The following PRR12 variants were observed in gnomAD, a reference collection of about 807,000 sequenced individuals.
PRR12 encodes proline-rich protein 12.
A neutral mutation model predicts 138.0 loss-of-function variants in PRR12; 12 were observed. The observed-to-expected ratio is 0.09, with a 90% CI of 0.06 to 0.14. The LOEUF is 0.14. Ranked by LOEUF, PRR12 falls within the 10% of genes least tolerant of loss-of-function variation. The probability of loss-of-function intolerance (pLI) is 1.00; values close to 1 mark genes in which losing one functional copy is unlikely to be tolerated. For missense variants in PRR12, 2,692 were observed against 2,861.3 expected (o/e 0.94, Z 1.35); for synonymous variants, 1,567 against 1,291.7 (o/e 1.21, Z -4.57).
chr19:49,594,306 G>A lies in PRR12; in HGVS notation c.200-148G>A. ...CCCTCATTCATGTCTCATTAGCTTG[G>A]TTCTATCCATCTTGTTTTTGAATTT... On this transcript the variant is annotated intron_variant, in intron 2 of 13. Transcript: ENST00000418929. The surrounding 1 kb of genome is among the most constrained non-coding windows in gnomAD (Gnocchi z 5.6). 1.5e-6 allele frequency: 1 copy of A among 665,758 alleles called. No individual in the cohort carries two copies. Among genetic ancestry groups the A allele is most frequent in the Non-Finnish European group, 2.5e-6 (1 of 406,212 alleles). The allele number at this position is 665,758 out of a possible 1,614,324, so 41.2% of individuals were successfully genotyped here. A position where few individuals can be genotyped will look rare whatever the true frequency, so the allele number is the denominator to read the frequency against.
rs1172629482 is a variant in PRR12 at position 49,614,500 on chromosome 19, C to T, written c.4774-33C>T. ...CAGTAGGTCTAGGAATGAGGGCTGA[C>T]CCTGCTGGCCTCACCACACCCCTCC... On this transcript the variant is annotated intron_variant, in intron 6 of 13. Coordinates refer to ENST00000418929, the MANE Select transcript of PRR12 (RefSeq NM_020719.3). This position sits in a 1 kb window ranked among gnomAD's most constrained non-coding sequence, Gnocchi z 5.0. 4.1e-6 allele frequency: 6 copies of T among 1,468,778 alleles called. No individual in the cohort carries two copies. The highest frequency in any genetic ancestry group is 3.7e-6 in the Non-Finnish European group (4 of 1,094,042). 91.0% of individuals were successfully genotyped at this position (1,468,778 alleles called of 1,614,324 possible).
Position 49,594,593 on chromosome 19 carries a change from C to G in PRR12, c.339C>G (p.Phe113Leu), listed in dbSNP as rs2080751605. The G allele has an allele frequency of 6.2e-7, 1 of 1,612,606 alleles. No homozygotes were observed. Among genetic ancestry groups the G allele is most frequent in the African/African-American group, 1.3e-5 (1 of 74,914 alleles). The change falls in exon 3 of 14, where the codon TTC becomes TTG. Residue 113 changes from phenylalanine to leucine, a missense_variant. Around this residue, in one of 11 missense-constraint regions of PRR12, gnomAD observed 211 missense variants for 266.3 expected, o/e 0.79. Transcript: ENST00000418929. This position sits in a 1 kb window ranked among gnomAD's most constrained non-coding sequence, Gnocchi z 5.6. ...CCGCCTCCTCTCTCCTCTCCCAGTT[C>G]CGCAGTCCTTCCTGGCAAACAGGTA... is the stretch of plus-strand genomic sequence containing the variant. ...GPSASSLLSQ[F>L]RSPSWQTAMH...
At chr19:49,617,391 G>A (rs1373886162) in intron 9 of PRR12, among the ~76,000 whole-genome samples, 1 of 152,176 alleles carries the variant, frequency 6.6e-6, no homozygotes, top group Admixed American at 6.6e-5. Flanking sequence ...ACTTTGGGAG[G>A]CTGAGGTGGT....
Position 49,596,151 on chromosome 19 carries a change from G to A in PRR12, c.1816G>A (p.Gly606Ser). ...GCCTTTCCTGGCACCTCCGGGAGCT[G>A]GCAGCTATGCAGCCGGAGCAGGTGG... ...SAPFLAPPGAGSYAAGAGGYK... is the reference protein window; with the variant it reads ...SAPFLAPPGASSYAAGAGGYK... The change falls in exon 4 of 14, where the codon GGC becomes AGC. Residue 606 changes from glycine to serine, a missense_variant. This residue lies in a region of PRR12 where 66 missense variants were observed against 102.4 expected (regional missense o/e 0.64). Transcript: ENST00000418929. The surrounding 1 kb of genome is among the most constrained non-coding windows in gnomAD (Gnocchi z 5.6). The A allele has an allele frequency of 1.2e-6, 2 of 1,607,444 alleles. No individual in the cohort carries two copies. The highest frequency in any genetic ancestry group is 1.7e-6 in the Non-Finnish European group (2 of 1,179,794).
chr19:49,602,164 T>C (rs182056884), intron 6 of PRR12, among the ~76,000 whole-genome samples: 1 of 152,248 alleles, frequency 6.6e-6, no homozygotes, highest in East Asian at 1.9e-4. Flanking sequence ...AACGCGTATG[T>C]GTCTATATGT....
rs1229722572 is a variant in PRR12, at chr19:49,601,934, C to T, written c.4773+16C>T. On this transcript the variant is annotated intron_variant, in intron 6 of 13. Coordinates refer to ENST00000418929, the MANE Select transcript of PRR12 (RefSeq NM_020719.3). The stretch of plus-strand genomic sequence containing the variant: ...TTCCCTCAAGGTGAGTCCCAGCCTT[C>T]TCCAGAAACTGGGCCTGATGGGTTT... The T allele has an allele frequency of 5.6e-6, 9 of 1,606,868 alleles. No homozygotes were observed. Among genetic ancestry groups the T allele is most frequent in the Non-Finnish European group, 7.6e-6 (9 of 1,177,972 alleles).
At chr19:49,598,701 A>G (rs1428557894) in intron 4 of PRR12, among the ~76,000 whole-genome samples, 1 of 152,172 alleles carries the variant, frequency 6.6e-6, no homozygotes, top group Non-Finnish European at 1.5e-5. Flanking sequence ...GTGTACCTAC[A>G]GTCCCAGCTA....
rs1336677857 is a variant in PRR12, at chr19:49,614,232, C to T, written c.4774-301C>T. 6.6e-6 allele frequency among the ~76,000 whole-genome samples: 1 copy of T among 152,192 alleles called. No homozygotes were observed. Among genetic ancestry groups the T allele is most frequent in the Non-Finnish European group, 1.5e-5 (1 of 68,042 alleles). ...ATAGCAGGCGGTGTTCAAAGATTGT[C>T]ATTACTCTGAGTCACACAGGAAGTT... On this transcript the variant is annotated intron_variant, in intron 6 of 13. Coordinates refer to ENST00000418929, the MANE Select transcript of PRR12 (RefSeq NM_020719.3). This position sits in a 1 kb window ranked among gnomAD's most constrained non-coding sequence, Gnocchi z 5.0.
chr19:49,598,327 G>C (rs930673189), intron 4 of PRR12, among the ~76,000 whole-genome samples: 9 of 152,084 alleles, frequency 5.9e-5, no homozygotes, highest in Non-Finnish European at 8.8e-5. Context: ...ACCCGCCTCG[G>C]CCTCCCAAAG....
At chr19:49,620,584 C>G (rs2080916985) in intron 10 of PRR12, 107 bp downstream of exon 10, 1 of 1,464,770 alleles carries the variant, frequency 6.8e-7, no homozygotes, top group Non-Finnish European at 9.2e-7. Context: ...GGTCGGGACT[C>G]CTGAGTCTGA....
Position 49,600,795 on chromosome 19 carries a change from G to A in PRR12, c.4346-696G>A, listed in dbSNP as rs535850559. Among the ~76,000 whole-genome samples, 120 of 151,762 alleles carry A rather than the reference G, an allele frequency of 7.9e-4. 1 individual carries two copies. Among genetic ancestry groups the A allele is most frequent in the African/African-American group, 2.3e-3 (97 of 41,364 alleles). ...TGGCTCACTGCAACCTCTGCCTTCC[G>A]CTCACCGCAACCTCTGCCTTCCAGG... On this transcript the variant is annotated intron_variant, in intron 5 of 13. Coordinates refer to ENST00000418929, the MANE Select transcript of PRR12 (RefSeq NM_020719.3).
Position 49,597,556 on chromosome 19 carries a change from A to G in PRR12, c.3221A>G (p.Lys1074Arg). The G allele has an allele frequency of 6.3e-7, 1 of 1,591,264 alleles. No individual in the cohort carries two copies. The highest frequency in any genetic ancestry group is 8.5e-7 in the Non-Finnish European group (1 of 1,170,868). ...FCSTKPKKLL[K>R]TSSFHLLRRR... ...TCTACCAAGCCAAAGAAGCTGCTCA[A>G]GACATCCTCCTTCCACCTGCTGCGG... Residue 1074 changes from lysine to arginine, a missense_variant, in exon 4 of 14, where the codon AAG (lysine) becomes AGG (arginine). Physicochemically the swap from Lys to Arg is conservative, Grantham distance 26. Around this residue, in one of 11 missense-constraint regions of PRR12, gnomAD observed 840 missense variants for 689.8 expected, o/e 1.22. Coordinates refer to ENST00000418929, the MANE Select transcript of PRR12 (RefSeq NM_020719.3). The surrounding 1 kb of genome is among the most constrained non-coding windows in gnomAD (Gnocchi z 6.3).
chr19:49,620,331 T>C, intron 9 of PRR12, 21 bp from the exon 10 acceptor site: 1 of 1,612,536 alleles, frequency 6.2e-7, no homozygotes. Context: ...ATAACGAGCC[T>C]GCGTCCTGTC....
chr19:49,625,551 T>C lies in PRR12; in HGVS notation c.6055T>C (p.Phe2019Leu). 6.2e-7 allele frequency: 1 copy of C among 1,612,582 alleles called. No homozygotes were observed. Among genetic ancestry groups the C allele is most frequent in the East Asian group, 2.2e-5 (1 of 44,878 alleles). The change falls in exon 14 of 14, where the codon TTT becomes CTT. Residue 2019 changes from phenylalanine (F) to leucine (L), a missense_variant. Around this residue, in one of 11 missense-constraint regions of PRR12, gnomAD observed 116 missense variants for 243.4 expected, o/e 0.48. Transcript: ENST00000418929. This position sits in a 1 kb window ranked among gnomAD's most constrained non-coding sequence, Gnocchi z 5.5. Reference sequence around the variant, plus strand: ...GAACCAGCCGTGGCTGGAACAGCTCTTTGACTCCTTCAGTGACCTGCTGGC... The same window carrying C: ...GAACCAGCCGTGGCTGGAACAGCTCCTTGACTCCTTCAGTGACCTGCTGGC... ...MRNQPWLEQLFDSFSDLLAQA... is the reference protein window; with the variant it reads ...MRNQPWLEQLLDSFSDLLAQA...
chr19:49,599,454 C>T lies in PRR12; in HGVS notation c.3861C>T (p.Asp1287=), dbSNP rs2080796860. The T allele has an allele frequency of 1.2e-6, 2 of 1,604,854 alleles. No homozygotes were observed. Among genetic ancestry groups the T allele is most frequent in the East Asian group, 2.3e-5 (1 of 44,438 alleles). ...MKSGFMASFL[D]FLKSGKRHPP... is the part of the protein sequence containing the mutation. The stretch of plus-strand genomic sequence containing the variant: ...CGGGTTTCATGGCCTCCTTCTTGGA[C>T]TTCCTCAAGTCAGGCAAGCGCCACC... Residue 1287 remains aspartate, a synonymous_variant, in exon 5 of 14, where the codon GAC becomes GAT. Coordinates refer to ENST00000418929, the MANE Select transcript of PRR12 (RefSeq NM_020719.3). The surrounding 1 kb of genome is among the most constrained non-coding windows in gnomAD (Gnocchi z 5.0).
At position 49,591,644 on chromosome 19, in the gene PRR12, G is replaced by T; in HGVS notation, c.-11G>T. The stretch of plus-strand genomic sequence containing the variant: ...CCTCCCCCTCCCCCCAATTTCCACC[G>T]CGGCCAATTCATGGACAGGAACTAC... On this transcript the variant is annotated 5_prime_UTR_variant, in exon 1 of 14. Transcript: ENST00000418929. 1 of 653,892 alleles carries T rather than the reference G, an allele frequency of 1.5e-6. No individual in the cohort carries two copies. Among genetic ancestry groups the T allele is most frequent in the Middle Eastern group, 4.1e-4 (1 of 2,416 alleles). The allele number at this position is 653,892 out of a possible 1,614,324, so 40.5% of individuals were successfully genotyped here.
intron 8 of PRR12, 144 bp downstream of exon 8, chr19:49,615,153 C>A (rs1351761530): frequency 1.6e-6 from 2 of 1,257,204 alleles, no homozygotes; most frequent in Non-Finnish European, 2.2e-6. Flanking sequence ...GACAGAGACC[C>A]GGAGAGAAAT....
At chr19:49,622,908 CATA>C (rs2080931490) in intron 11 of PRR12, among the ~76,000 whole-genome samples, 1 of 97,222 alleles carries the variant, frequency 1.0e-5, no homozygotes, top group South Asian at 4.0e-4. Flanking sequence ...AAAACAAAAA[CATA>C]TATATATATA....
At position 49,606,643 on chromosome 19, in the gene PRR12, CTCTT is replaced by C. The variant is rs1189990561; in HGVS notation, c.4773+4727_4773+4730del. On this transcript the variant is annotated intron_variant, in intron 6 of 13. Transcript: ENST00000418929. ...CCCATTTTTTTCTTTTATACCATCTCTCTTTTTTTTTTTTTTTTTTTGAGATGGA... is the reference window on the plus strand; with the variant it reads ...CCCATTTTTTTCTTTTATACCATCTCTTTTTTTTTTTTTTTTTGAGATGGA... Among the ~76,000 whole-genome samples the C allele has an allele frequency of 4.3e-4, 63 of 145,382 alleles. No individual in the cohort carries two copies. In the East Asian group the frequency reaches 0.012, roughly 27 times the overall value.
Sources: gnomAD v4.1 joint callset for allele counts (sites outside exome capture counted in the v4.1 genomes callset) on GRCh38, gnomAD v4.1.1 for gene constraint, gnomAD v4.1.1 regional missense constraint, Gnocchi (gnomAD v3.1) non-coding constraint, MANE v1.5 for transcripts, NCBI Gene and HGNC (gene_info 2026-07-23, HGNC 2026-07-21) for gene names.